FANCC: variants seen among roughly 807,000 people sequenced by gnomAD.
FANCC encodes FA complementation group C.
In FANCC, 55 loss-of-function variants were observed where a neutral mutation model predicts 71.3. The observed-to-expected ratio is 0.77, with a 90% CI of 0.62 to 0.97. FANCC has a LOEUF of 0.97. FANCC is among the 50% of genes least tolerant of loss of function. The pLI is 0.00. For synonymous variants in FANCC, 275 were observed against 244.9 expected, an observed-to-expected ratio of 1.12 and a Z score of -1.15; for missense variants, 678 against 670.9, an observed-to-expected ratio of 1.01 and a Z score of -0.12.
At chr9:95,253,115 T>C (rs1035509262) in intron 1 of FANCC, among the ~76,000 whole-genome samples, 14 of 152,196 alleles carry the variant, frequency 9.2e-5, no homozygotes, top group African/African-American at 3.4e-4. Flanking sequence ...TGTATCTGAT[T>C]GTTTTAAATG....
chr9:95,293,526 T>C (rs1462443671), intron 1 of FANCC: 1 of 1,604,624 alleles, frequency 6.2e-7, no homozygotes, highest in Non-Finnish European at 8.5e-7. Flanking sequence ...ATCTAATACT[T>C]TACAAGAACT....
chr9:95,291,664 G>A (rs535203087), intron 1 of FANCC, among the ~76,000 whole-genome samples: 1 of 152,078 alleles, frequency 6.6e-6, no homozygotes, highest in African/African-American at 2.4e-5. Context: ...AATTTGTATG[G>A]AGGCTGGGCA....
intron 7 of FANCC, among the ~76,000 whole-genome samples, chr9:95,138,323 T>G (rs1016996999): frequency 6.6e-6 from 1 of 152,182 alleles, no homozygotes; most frequent in Non-Finnish European, 1.5e-5. Flanking sequence ...CCAGACGCCG[T>G]GCCTGTGCTT....
At chr9:95,187,519 C>T (rs1464381122) in intron 4 of FANCC, among the ~76,000 whole-genome samples, 1 of 152,226 alleles carries the variant, frequency 6.6e-6, no homozygotes, top group East Asian at 1.9e-4. Context: ...ATGTCATGTA[C>T]AGAGACCTCA....
At chr9:95,179,118 A>T (rs1035461521) in intron 4 of FANCC, among the ~76,000 whole-genome samples, 1 of 152,252 alleles carries the variant, frequency 6.6e-6, no homozygotes, top group Non-Finnish European at 1.5e-5. Flanking sequence ...ATGCTCCTAC[A>T]GATAGCATAT....
intron 1 of FANCC, among the ~76,000 whole-genome samples, chr9:95,290,138 G>A (rs1564831667): frequency 1.3e-5 from 2 of 152,164 alleles, no homozygotes; most frequent in Non-Finnish European, 2.9e-5. Flanking sequence ...GGTTCCAGAA[G>A]AGTAATGTTC....
intron 6 of FANCC, 91 bp from the exon 7 acceptor site, chr9:95,150,178 C>G: frequency 5.2e-6 from 7 of 1,353,192 alleles, no homozygotes; most frequent in Non-Finnish European, 7.3e-6. Flanking sequence ...AGGTCAAAGA[C>G]AGATCACCTG....
intron 1 of FANCC, among the ~76,000 whole-genome samples, chr9:95,263,524 A>C (rs1366391015): frequency 2.8e-5 from 4 of 143,754 alleles, no homozygotes; most frequent in South Asian, 2.2e-4. Context: ...ATATCTATAT[A>C]TATATAGATA....
intron 6 of FANCC, among the ~76,000 whole-genome samples, chr9:95,163,621 A>G (rs1300111730): frequency 6.6e-6 from 1 of 152,312 alleles, no homozygotes; most frequent in South Asian, 2.1e-4. Context: ...AGGCCAAGGC[A>G]AGTGGATCAC....
intron 9 of FANCC, 113 bp downstream of exon 9, chr9:95,126,416 A>C: frequency 9.5e-7 from 1 of 1,053,664 alleles, no homozygotes; most frequent in Non-Finnish European, 1.4e-6. Flanking sequence ...AGGGAATCAG[A>C]AACTCTAATT....
At chr9:95,133,952 A>G (rs892115354) in intron 8 of FANCC, among the ~76,000 whole-genome samples, 12 of 152,346 alleles carry the variant, frequency 7.9e-5, no homozygotes, top group South Asian at 4.1e-4. Context: ...GCCTTAATAT[A>G]TGACTCTTCC....
chr9:95,297,252 A>T (rs1043901544), intron 1 of FANCC, among the ~76,000 whole-genome samples: 2 of 152,170 alleles, frequency 1.3e-5, no homozygotes, highest in Non-Finnish European at 2.9e-5. Flanking sequence ...TTCTCTAGGC[A>T]TCTACACTGA....
At chr9:95,176,426 G>C (rs1346231448) in intron 4 of FANCC, among the ~76,000 whole-genome samples, 3 of 152,176 alleles carry the variant, frequency 2.0e-5, no homozygotes, top group Admixed American at 1.3e-4. Flanking sequence ...GCCTGTTTGC[G>C]ACCCTGGAGG....
intron 1 of FANCC, among the ~76,000 whole-genome samples, chr9:95,301,602 T>C (rs1218592932): frequency 6.6e-6 from 1 of 151,974 alleles, no homozygotes; most frequent in Non-Finnish European, 1.5e-5. Flanking sequence ...TAATTCTTTT[T>C]TTCTAGAGCT....
intron 1 of FANCC, among the ~76,000 whole-genome samples, chr9:95,305,515 G>A (rs1397133596): frequency 6.6e-6 from 1 of 152,094 alleles, no homozygotes; most frequent in East Asian, 1.9e-4. Context: ...CCTAAATGCA[G>A]CATTCTAAAA....
chr9:95,279,295 G>GT (rs1257525960), intron 1 of FANCC, among the ~76,000 whole-genome samples: 1 of 151,518 alleles, frequency 6.6e-6, no homozygotes, highest in Non-Finnish European at 1.5e-5. Flanking sequence ...TCCAGCCTGG[G>GT]TGACAGACCA....
At chr9:95,149,189 G>A (rs954695737) in intron 7 of FANCC, among the ~76,000 whole-genome samples, 2 of 151,374 alleles carry the variant, frequency 1.3e-5, no homozygotes, top group African/African-American at 4.9e-5. Flanking sequence ...TAAAAATTTA[G>A]TTTCAAATAT....
At chr9:95,211,918 T>C (rs189949007) in intron 4 of FANCC, among the ~76,000 whole-genome samples, 11 of 148,610 alleles carry the variant, frequency 7.4e-5, no homozygotes, top group Admixed American at 6.0e-4. Flanking sequence ...ATACAATATA[T>C]GAAATAAAAA....
At chr9:95,150,592 C>T (rs974903038) in intron 6 of FANCC, among the ~76,000 whole-genome samples, 1 of 152,186 alleles carries the variant, frequency 6.6e-6, no homozygotes, top group African/African-American at 2.4e-5. Context: ...TGCACTCACT[C>T]CTATAGTTTA....
Sources: gnomAD v4.1 joint callset for allele counts (sites outside exome capture counted in the v4.1 genomes callset) on GRCh38, gnomAD v4.1.1 for gene constraint, MANE v1.5 for transcripts, NCBI Gene and HGNC (gene_info 2026-07-23, HGNC 2026-07-21) for gene names.